Variants in PALLD observed in about 807,000 individuals in gnomAD.
PALLD encodes palladin.
PALLD carries 61 observed loss-of-function variants against 123.5 expected under a neutral mutation model. The ratio of observed to expected loss-of-function variants is 0.49; its 90% CI spans 0.40 to 0.61. The LOEUF is 0.61. Among genes scored for constraint, PALLD ranks in the 20% least tolerant of loss-of-function variants. The pLI, the probability that PALLD is intolerant of heterozygous loss-of-function variation, is 0.00. For synonymous variants in PALLD, 465 were observed against 496.4 expected, an observed-to-expected ratio of 0.94 and a Z score of 0.84; for missense variants, 1,273 against 1,377.0, an observed-to-expected ratio of 0.92 and a Z score of 1.20.
chr4:168,723,913 T>C (rs1786279653), intron 10 of PALLD, among the ~76,000 whole-genome samples: 1 of 135,678 alleles, frequency 7.4e-6, no homozygotes, highest in Admixed American at 7.4e-5. Flanking sequence ...TTTTTTTTTC[T>C]GGTGGAGTCT....
At chr4:168,702,678 G>T (rs1783789674) in intron 8 of PALLD, among the ~76,000 whole-genome samples, 1 of 152,044 alleles carries the variant, frequency 6.6e-6, no homozygotes, top group Admixed American at 6.6e-5. Flanking sequence ...CATTGATATT[G>T]AGCCTGAAGA....
intron 2 of PALLD, among the ~76,000 whole-genome samples, chr4:168,589,866 G>C (rs181419682): frequency 3.9e-5 from 6 of 152,318 alleles, no homozygotes; most frequent in Non-Finnish European, 8.8e-5. Flanking sequence ...CTCTGCTCCT[G>C]TTCTGTATAC....
At chr4:168,906,496 T>G (rs190352274) in intron 15 of PALLD, among the ~76,000 whole-genome samples, 13 of 152,318 alleles carry the variant, frequency 8.5e-5, no homozygotes, top group Admixed American at 5.2e-4. Context: ...CAAATTATTA[T>G]GAAGTCACTA....
intron 6 of PALLD, among the ~76,000 whole-genome samples, chr4:168,686,245 A>T (rs1334355088): frequency 1.3e-5 from 2 of 152,142 alleles, no homozygotes; most frequent in East Asian, 3.9e-4. Context: ...TCTGGGATAC[A>T]CGTGCAGAAT....
chr4:168,507,072 G>T (rs1288703306), intron 1 of PALLD, among the ~76,000 whole-genome samples: 1 of 152,030 alleles, frequency 6.6e-6, no homozygotes, highest in African/African-American at 2.4e-5. Flanking sequence ...CTGGGCTCTA[G>T]ATCAGCATCT....
intron 2 of PALLD, among the ~76,000 whole-genome samples, chr4:168,606,470 C>A (rs568163492): frequency 6.7e-6 from 1 of 149,656 alleles, no homozygotes; most frequent in African/African-American, 2.5e-5. Context: ...GTCAGGAGAT[C>A]GAGACCATCC....
chr4:168,620,893 TATA>T (rs1774704560), intron 2 of PALLD, among the ~76,000 whole-genome samples: 1 of 152,172 alleles, frequency 6.6e-6, no homozygotes, highest in East Asian at 1.9e-4. Flanking sequence ...AATAAAGTAA[TATA>T]ATATTCTAAG....
At chr4:168,748,948 C>T (rs1730671308) in intron 10 of PALLD, among the ~76,000 whole-genome samples, 1 of 152,162 alleles carries the variant, frequency 6.6e-6, no homozygotes, top group Non-Finnish European at 1.5e-5. Context: ...TGGGAGTGAC[C>T]TTCCATCACC....
chr4:168,531,789 A>T (rs1475711235), intron 2 of PALLD, among the ~76,000 whole-genome samples: 1 of 152,226 alleles, frequency 6.6e-6, no homozygotes, highest in Non-Finnish European at 1.5e-5. Flanking sequence ...TACAGAGGGC[A>T]TGTTAAACAG....
intron 2 of PALLD, among the ~76,000 whole-genome samples, chr4:168,594,637 A>G (rs767800945): frequency 3.7e-4 from 57 of 152,138 alleles, no homozygotes; most frequent in South Asian, 4.1e-4. Context: ...CTGGTGCCCA[A>G]TTGGGATATA....
rs976463656 is a variant in PALLD, at chr4:168,764,866, T to A, written c.1964+52943T>A. 7.2e-5 allele frequency among the ~76,000 whole-genome samples: 11 copies of A among 152,194 alleles called. 1 individual carries two copies. Among genetic ancestry groups the A allele is most frequent in the Non-Finnish European group, 2.9e-5 (2 of 68,020 alleles). Reference sequence around the variant, plus strand: ...GTCAATAAACAACACCTTTGTCAGCTCTTTCCATTGCCTCCTCCTGGTCAG... The same window carrying A: ...GTCAATAAACAACACCTTTGTCAGCACTTTCCATTGCCTCCTCCTGGTCAG... On this transcript the variant is annotated intron_variant, in intron 10 of 21. Transcript: ENST00000505667.
chr4:168,640,052 C>T (rs754418950), intron 2 of PALLD, among the ~76,000 whole-genome samples: 15 of 152,208 alleles, frequency 9.9e-5, no homozygotes, highest in Non-Finnish European at 1.6e-4. Context: ...AAAGAAGTCT[C>T]ATGAAGGTAT....
intron 2 of PALLD, among the ~76,000 whole-genome samples, chr4:168,581,675 T>C (rs1770293177): frequency 6.6e-6 from 1 of 152,138 alleles, no homozygotes; most frequent in Non-Finnish European, 1.5e-5. Flanking sequence ...CCTTACCAGA[T>C]TTATGGTTTG....
chr4:168,689,940 G>A (rs976222896), intron 6 of PALLD, among the ~76,000 whole-genome samples: 3 of 152,162 alleles, frequency 2.0e-5, no homozygotes, highest in Non-Finnish European at 4.4e-5. Context: ...CTGATCTGTT[G>A]GATTGTAAAG....
intron 8 of PALLD, among the ~76,000 whole-genome samples, chr4:168,708,248 A>G (rs1450225403): frequency 2.6e-5 from 4 of 152,206 alleles, no homozygotes; most frequent in South Asian, 4.1e-4. Context: ...TAAGGGTTAT[A>G]TAGCTGTCAG....
At chr4:168,734,298 A>T (rs1043734673) in intron 10 of PALLD, among the ~76,000 whole-genome samples, 1 of 152,058 alleles carries the variant, frequency 6.6e-6, no homozygotes, top group African/African-American at 2.4e-5. Flanking sequence ...AAGTGTAAAA[A>T]GTTATCTGTG....
chr4:168,632,085 G>GC (rs1401753620), intron 2 of PALLD, among the ~76,000 whole-genome samples: 1 of 151,230 alleles, frequency 6.6e-6, no homozygotes, highest in Non-Finnish European at 1.5e-5. Flanking sequence ...TTGGGGGTTG[G>GC]CGGGGGCGGG....
chr4:168,748,422 T>A (rs1474123748), intron 10 of PALLD, among the ~76,000 whole-genome samples: 1 of 152,202 alleles, frequency 6.6e-6, no homozygotes, highest in Non-Finnish European at 1.5e-5. Context: ...TTCTAAGTAA[T>A]ATAGGGGGTG....
At chr4:168,863,613 A>T (rs1477058142) in intron 10 of PALLD, among the ~76,000 whole-genome samples, 3 of 150,780 alleles carry the variant, frequency 2.0e-5, no homozygotes, top group African/African-American at 7.5e-5. Context: ...AGACGATAGC[A>T]TGATGTTCCT....
Sources: gnomAD v4.1 joint callset for allele counts (sites outside exome capture counted in the v4.1 genomes callset) on GRCh38, gnomAD v4.1.1 for gene constraint, MANE v1.5 for transcripts, NCBI Gene and HGNC (gene_info 2026-07-23, HGNC 2026-07-21) for gene names.